Variants in GOLIM4 observed in about 807,000 individuals in gnomAD.
GOLIM4 encodes golgi integral membrane protein 4.
A neutral mutation model predicts 107.4 loss-of-function variants in GOLIM4; 71 were observed. That is an observed-to-expected ratio of 0.66 (90% CI 0.55 to 0.81). The LOEUF (loss-of-function observed/expected upper bound fraction) is 0.81, where lower values mean the gene tolerates loss of function less well. Among genes scored for constraint, GOLIM4 ranks in the 30% least tolerant of loss-of-function variants. The pLI is 0.00. For synonymous variants in GOLIM4, 327 were observed against 294.8 expected (o/e 1.11, Z -1.12); for missense variants, 830 against 826.1 (o/e 1.00, Z -0.06).
intron 1 of GOLIM4, among the ~76,000 whole-genome samples, chr3:168,067,505 C>T (rs747893617): frequency 6.7e-6 from 1 of 148,384 alleles, no homozygotes; most frequent in Non-Finnish European, 1.5e-5. Context: ...AAAGTAGTTG[C>T]CTTTAATTAA....
intron 9 of GOLIM4, among the ~76,000 whole-genome samples, chr3:168,030,748 G>C (rs750177542): frequency 6.6e-6 from 1 of 152,096 alleles, no homozygotes; most frequent in Non-Finnish European, 1.5e-5. Context: ...GGGAACCCTC[G>C]TACGCTGTTG....
chr3:168,056,369 G>A (rs1448486233), intron 1 of GOLIM4, among the ~76,000 whole-genome samples: 1 of 152,244 alleles, frequency 6.6e-6, no homozygotes, highest in Non-Finnish European at 1.5e-5. Context: ...GGCACTCATG[G>A]AGAACCTCTG....
intron 1 of GOLIM4, among the ~76,000 whole-genome samples, chr3:168,084,073 G>A (rs1721502191): frequency 6.6e-6 from 1 of 152,174 alleles, no homozygotes; most frequent in Admixed American, 6.5e-5. Flanking sequence ...GGTGGGAGGT[G>A]ACTGGATCAT....
chr3:168,074,756 A>G (rs1362346737), intron 1 of GOLIM4, among the ~76,000 whole-genome samples: 2 of 152,192 alleles, frequency 1.3e-5, no homozygotes, highest in Admixed American at 6.5e-5. Flanking sequence ...GCAGACAAGG[A>G]CATTAGAAAT....
At chr3:168,057,267 G>C (rs2108264086) in intron 1 of GOLIM4, among the ~76,000 whole-genome samples, 1 of 152,220 alleles carries the variant, frequency 6.6e-6, no homozygotes, top group South Asian at 2.1e-4. Context: ...TCTTTCTTTT[G>C]TAAACTGCCC....
At chr3:168,075,365 C>G (rs1039846020) in intron 1 of GOLIM4, among the ~76,000 whole-genome samples, 4 of 131,604 alleles carry the variant, frequency 3.0e-5, no homozygotes, top group African/African-American at 1.2e-4. Flanking sequence ...GGCGGGATCT[C>G]GGCTCACTGC....
intron 3 of GOLIM4, among the ~76,000 whole-genome samples, chr3:168,045,232 T>C (rs116320426): frequency 0.016 from 2,380 of 152,152 alleles, 65 homozygotes; most frequent in African/African-American, 0.055. Context: ...AGGGCTAATA[T>C]ATGCGCTGGG....
chr3:168,041,535 T>C (rs1719003331), intron 5 of GOLIM4, 61 bp from the exon 6 acceptor site: 2 of 799,960 alleles, frequency 2.5e-6, no homozygotes, highest in South Asian at 3.0e-5. Context: ...TCTGTTTCTA[T>C]TATTTTCATA....
chr3:168,009,003 A>C lies in GOLIM4; in HGVS notation c.*1266T>G, dbSNP rs1716830753. 2 of 152,164 alleles carry C rather than the reference A, an allele frequency of 1.3e-5. No homozygotes were observed. The highest frequency in any genetic ancestry group is 4.8e-5 in the African/African-American group (2 of 41,450). The allele number at this position is 152,164 out of a possible 1,614,324, so 9.4% of individuals were successfully genotyped here. On this transcript the variant is annotated 3_prime_UTR_variant, in exon 16 of 16. Transcript: ENST00000470487. ...TAAAATTACGTTCATACAATGGTAGAAAATGAAATGTTTTTATTAATTTGA... is the reference window on the plus strand; with the variant it reads ...TAAAATTACGTTCATACAATGGTAGCAAATGAAATGTTTTTATTAATTTGA...
At chr3:168,056,374 C>T (rs1719973691) in intron 1 of GOLIM4, among the ~76,000 whole-genome samples, 1 of 152,232 alleles carries the variant, frequency 6.6e-6, no homozygotes. Context: ...TCATGGAGAA[C>T]CTCTGCTAGG....
chr3:168,089,728 G>A (rs888401824), intron 1 of GOLIM4, among the ~76,000 whole-genome samples: 2 of 150,588 alleles, frequency 1.3e-5, no homozygotes, highest in East Asian at 3.9e-4. Flanking sequence ...TGGAGATGAA[G>A]GAATAAAAAA....
chr3:168,075,292 T>TG (rs1276780024), intron 1 of GOLIM4, among the ~76,000 whole-genome samples: 9 of 82,524 alleles, frequency 1.1e-4, no homozygotes, highest in African/African-American at 3.9e-4. Context: ...ACTAGTTTTT[T>TG]TTTTTTTTTT....
rs561842947 is a variant in GOLIM4 at position 168,017,909 on chromosome 3, C to T, written c.1860+6617G>A. Among the ~76,000 whole-genome samples the T allele has an allele frequency of 2.0e-4, 31 of 152,238 alleles. No homozygotes were observed. The Middle Eastern group carries it at 0.01, about 50-fold the overall frequency. On this transcript the variant is annotated intron_variant, in intron 14 of 15. Coordinates refer to ENST00000470487, the MANE Select transcript of GOLIM4 (RefSeq NM_014498.5). ...GCACTATTATTACTGTGTAAATGAT[C>T]CCAATATTTATCTCAAAATGTAAAC...
chr3:168,027,916 G>A, intron 11 of GOLIM4, 79 bp from the exon 12 acceptor site: 2 of 874,730 alleles, frequency 2.3e-6, no homozygotes, highest in Admixed American at 3.7e-5. Flanking sequence ...AAAGCCACCA[G>A]TGGACTTTTC....
chr3:168,016,593 G>T (rs1416690886), intron 14 of GOLIM4, among the ~76,000 whole-genome samples: 1 of 133,054 alleles, frequency 7.5e-6, no homozygotes, highest in Non-Finnish European at 1.5e-5. Flanking sequence ...ACATGCACAT[G>T]TATGTTTATT....
At chr3:168,039,053 A>C (rs1718819652) in intron 7 of GOLIM4, among the ~76,000 whole-genome samples, 1 of 152,092 alleles carries the variant, frequency 6.6e-6, no homozygotes. Context: ...CAGTCTCCAG[A>C]ACTGTGAGAA....
chr3:168,050,098 T>A (rs994784104), intron 1 of GOLIM4, among the ~76,000 whole-genome samples: 2 of 152,080 alleles, frequency 1.3e-5, no homozygotes, highest in African/African-American at 4.8e-5. Context: ...TCTACCAGGG[T>A]TCCTTTTCCA....
Position 168,029,899 on chromosome 3 carries a change from C to G in GOLIM4, c.1314G>C (p.Arg438Ser), listed in dbSNP as rs754361836. The change falls in exon 10 of 16, where the codon AGG becomes AGC. Residue 438 changes from arginine (R) to serine (S), a missense_variant. Transcript: ENST00000470487. ...REHQEALHQQ[R>S]LQGHLLRQQE... Reference sequence around the variant, plus strand: ...GCTGCCGTAGTAAGTGCCCCTGCAGCCTCTGCTGGTGCAAAGCTTCCTGGT... The same window carrying G: ...GCTGCCGTAGTAAGTGCCCCTGCAGGCTCTGCTGGTGCAAAGCTTCCTGGT... 2 of 1,614,148 alleles carry G rather than the reference C, an allele frequency of 1.2e-6. No individual in the cohort carries two copies. Among genetic ancestry groups the G allele is most frequent in the Non-Finnish European group, 1.7e-6 (2 of 1,180,018 alleles).
At chr3:168,020,682 A>G (rs1444941760) in intron 14 of GOLIM4, among the ~76,000 whole-genome samples, 1 of 152,216 alleles carries the variant, frequency 6.6e-6, no homozygotes, top group African/African-American at 2.4e-5. Flanking sequence ...ACGACTCTTT[A>G]GGGAACCCAC....
Sources: allele counts gnomAD v4.1 joint callset (sites outside exome capture counted in the v4.1 genomes callset), GRCh38; gene constraint gnomAD v4.1.1; transcripts MANE v1.5; gene names NCBI Gene and HGNC (gene_info 2026-07-23, HGNC 2026-07-21).